FRY: variants seen among roughly 807,000 people sequenced by gnomAD.
FRY encodes the protein protein furry homolog.
FRY carries 128 observed loss-of-function variants against 348.4 expected under a neutral mutation model. The observed-to-expected ratio is 0.37, with a 90% CI of 0.32 to 0.43. The LOEUF (loss-of-function observed/expected upper bound fraction) is 0.43. Among genes scored for constraint, FRY ranks in the 20% least tolerant of loss-of-function variants. The pLI is 1.00. For synonymous variants in FRY, 1,370 were observed against 1,374.7 expected, an observed-to-expected ratio of 1.00 and a Z score of 0.08; for missense variants, 2,736 against 3,695.2, an observed-to-expected ratio of 0.74 and a Z score of 6.73.
intron 28 of FRY, among the ~76,000 whole-genome samples, chr13:32,191,413 A>G (rs183259196): frequency 6.6e-5 from 10 of 152,202 alleles, no homozygotes; most frequent in Non-Finnish European, 1.0e-4. Context: ...TCTAGAATAT[A>G]TAAAGGACCC....
In FRY at chr13:32,225,882, C is replaced by T. The variant is rs763314660; in HGVS notation, c.5114C>T (p.Ser1705Phe). The T allele has an allele frequency of 1.2e-6, 2 of 1,613,466 alleles. No homozygotes were observed. Among genetic ancestry groups the T allele is most frequent in the Admixed American group, 1.7e-5 (1 of 60,008 alleles). The change falls in exon 39 of 61, where the codon TCC becomes TTC. Residue 1705 changes from serine to phenylalanine, a missense_variant. By Grantham distance (155) the Ser-to-Phe change is radical. Transcript: ENST00000542859. ...CTCTCTTGCAACAGCAATTTCCATTCCATTGCTTCCGTGCTCCTGCAGACC... is the reference window on the plus strand; with the variant it reads ...CTCTCTTGCAACAGCAATTTCCATTTCATTGCTTCCGTGCTCCTGCAGACC... ...IALSCNSNFH[S>F]IASVLLQTRE... is the part of the protein sequence containing the mutation.
Position 32,250,108 on chromosome 13 carries a change from C to T in FRY, c.7170+421C>T, listed in dbSNP as rs534720721. Among the ~76,000 whole-genome samples the T allele has an allele frequency of 6.6e-4, 101 of 152,294 alleles. 1 individual carries two copies. In the South Asian group the frequency reaches 0.013, roughly 20 times the overall value. ...CAAAGACCACCCTGTCTGCTGCCCA[C>T]GGAACAGGCACCTCAACCATGGTGT... On this transcript the variant is annotated intron_variant, in intron 49 of 60. Coordinates refer to ENST00000542859, the MANE Select transcript of FRY (RefSeq NM_023037.3).
At position 32,184,581 on chromosome 13, in the gene FRY, A is replaced by G. The variant is rs1882908721; in HGVS notation, c.3055-19A>G. On this transcript the variant is annotated intron_variant, in intron 24 of 60. Transcript: ENST00000542859. The stretch of plus-strand genomic sequence containing the variant: ...TGTTTTGCCTGTGTCTGTAAGTGAT[A>G]CTACCTCTTTCTACACAGAACAAGA... 6.6e-7 allele frequency: 1 copy of G among 1,504,846 alleles called. No homozygotes were observed. The highest frequency in any genetic ancestry group is 1.1e-5 in the South Asian group (1 of 88,800). 93.2% of individuals were successfully genotyped at this position (1,504,846 alleles called of 1,614,324 possible). A position where few individuals can be genotyped will look rare whatever the true frequency, so the allele number is the denominator to read the frequency against.
chr13:32,135,607 TAGAC>T (rs1197000426), intron 10 of FRY, among the ~76,000 whole-genome samples: 1 of 152,136 alleles, frequency 6.6e-6, no homozygotes, highest in Non-Finnish European at 1.5e-5. Flanking sequence ...AGTTGGGAAA[TAGAC>T]AGTTGCCCAT....
At chr13:32,277,374 A>G (rs866956030) in intron 57 of FRY, among the ~76,000 whole-genome samples, 3 of 152,218 alleles carry the variant, frequency 2.0e-5, no homozygotes, top group Non-Finnish European at 2.9e-5. Flanking sequence ...AACAATTATA[A>G]TAGTCATGGC....
chr13:32,199,219 A>G (rs1883862259), intron 29 of FRY, among the ~76,000 whole-genome samples: 1 of 152,206 alleles, frequency 6.6e-6, no homozygotes, highest in African/African-American at 2.4e-5. Flanking sequence ...CCTCTGGCTG[A>G]AGGCAGTTCC....
intron 1 of FRY, among the ~76,000 whole-genome samples, chr13:32,040,503 G>A (rs1459399944): frequency 5.9e-5 from 9 of 152,212 alleles, no homozygotes; most frequent in Non-Finnish European, 1.3e-4. Flanking sequence ...AGGAGACTGA[G>A]TTGTACATTA....
chr13:32,101,949 C>T lies in FRY; in HGVS notation c.271-14C>T. 1 of 1,381,594 alleles carries T rather than the reference C, an allele frequency of 7.2e-7. No individual in the cohort carries two copies. The highest frequency in any genetic ancestry group is 1.0e-6 in the Non-Finnish European group (1 of 968,292). The allele number at this position is 1,381,594 out of a possible 1,614,324, so 85.6% of individuals were successfully genotyped here. On this transcript the variant is annotated splice_polypyrimidine_tract_variant and intron_variant, in intron 2 of 60. Transcript: ENST00000542859. Reference sequence around the variant, plus strand: ...TCTAATAATTATTCTTGCATATATTCTTTTTCTTTCTAGGAAAAGCCATTG... The same window carrying T: ...TCTAATAATTATTCTTGCATATATTTTTTTTCTTTCTAGGAAAAGCCATTG...
intron 50 of FRY, among the ~76,000 whole-genome samples, chr13:32,253,071 T>TAA (rs1490643268): frequency 6.6e-6 from 1 of 152,238 alleles, no homozygotes; most frequent in Non-Finnish European, 1.5e-5. Context: ...TGCCCTGTGC[T>TAA]AAGGCCTTTT....
At chr13:32,111,501 A>G (rs1412143390) in intron 3 of FRY, among the ~76,000 whole-genome samples, 1 of 152,120 alleles carries the variant, frequency 6.6e-6, no homozygotes, top group African/African-American at 2.4e-5. Context: ...ATCTCAAAAA[A>G]AGAAGAAGGA....
At chr13:32,127,454 T>G (rs551311838) in intron 7 of FRY, among the ~76,000 whole-genome samples, 2 of 152,310 alleles carry the variant, frequency 1.3e-5, no homozygotes, top group East Asian at 3.9e-4. Context: ...GCTTTTGTGC[T>G]AAGTAACATG....
At chr13:32,278,123 T>A (rs1305926179) in intron 57 of FRY, among the ~76,000 whole-genome samples, 1 of 152,216 alleles carries the variant, frequency 6.6e-6, no homozygotes, top group African/African-American at 2.4e-5. Context: ...GAAGTATTGG[T>A]CCTGTCTTCT....
Position 32,240,895 on chromosome 13 carries a change from T to C in FRY, c.6687+1014T>C, listed in dbSNP as rs527714499. The stretch of plus-strand genomic sequence containing the variant: ...AAGGCTCCACAAGCCTGAAAGCATC[T>C]ACCTAGCAGAGGAGAGATGCCCCAT... On this transcript the variant is annotated intron_variant, in intron 46 of 60. Transcript: ENST00000542859. Among the ~76,000 whole-genome samples the C allele has an allele frequency of 2.0e-5, 3 of 152,342 alleles. No homozygotes were observed. The South Asian group carries it at 6.2e-4, about 32-fold the overall frequency.
At chr13:32,100,388 T>C (rs1877076117) in intron 2 of FRY, among the ~76,000 whole-genome samples, 1 of 152,092 alleles carries the variant, frequency 6.6e-6, no homozygotes, top group South Asian at 2.1e-4. Flanking sequence ...CGTGACTTTT[T>C]ATTATCTGTC....
chr13:32,155,407 C>T (rs1881052360), intron 14 of FRY, 84 bp from the exon 15 acceptor site: 22 of 984,586 alleles, frequency 2.2e-5, no homozygotes, highest in Non-Finnish European at 3.4e-5. Flanking sequence ...GCAATTCAGT[C>T]TTAACTATCT....
intron 16 of FRY, among the ~76,000 whole-genome samples, chr13:32,160,417 AAC>A (rs1881375173): frequency 6.6e-6 from 1 of 152,342 alleles, no homozygotes; most frequent in South Asian, 2.1e-4. Flanking sequence ...TTAAAAATCT[AAC>A]AGTTACCTAT....
At chr13:32,138,126 T>TG (rs1879834830) in intron 11 of FRY, among the ~76,000 whole-genome samples, 2 of 151,850 alleles carry the variant, frequency 1.3e-5, no homozygotes. Context: ...TTGTTTTTTT[T>TG]GTTTTGTTTT....
rs1490656540 is a variant in FRY, at chr13:32,157,343, A to G, written c.1722A>G (p.Val574=). 1 of 1,612,934 alleles carries G rather than the reference A, an allele frequency of 6.2e-7. No individual in the cohort carries two copies. Among genetic ancestry groups the G allele is most frequent in the African/African-American group, 1.3e-5 (1 of 74,910 alleles). Residue 574 remains valine, a synonymous_variant, in exon 16 of 61, where the codon GTA becomes GTG. Coordinates refer to ENST00000542859, the MANE Select transcript of FRY (RefSeq NM_023037.3). ...DNILRHLDKE[V]GRCMMLTNVQ... ...TTTTAAGGCACCTTGATAAAGAAGT[A>G]GGAAGGTGTATGATGCTGACTAATG...
chr13:32,161,319 G>A, intron 17 of FRY, 68 bp downstream of exon 17: 2 of 969,178 alleles, frequency 2.1e-6, no homozygotes, highest in Non-Finnish European at 3.4e-6. Context: ...AAAAAAAATA[G>A]AATGGTAGTT....
Sources: gnomAD v4.1 joint callset for allele counts (sites outside exome capture counted in the v4.1 genomes callset) on GRCh38, gnomAD v4.1.1 for gene constraint, MANE v1.5 for transcripts, NCBI Gene and HGNC (gene_info 2026-07-23, HGNC 2026-07-21) for gene names.